The following MFSD8 variants were observed in gnomAD, a reference collection of about 807,000 sequenced individuals.
The protein encoded by MFSD8 is major facilitator superfamily domain containing 8.
MFSD8 carries 55 observed loss-of-function variants against 66.4 expected under a neutral mutation model. The observed-to-expected ratio is 0.83, with a 90% CI of 0.67 to 1.04. The LOEUF (loss-of-function observed/expected upper bound fraction) is 1.04, where lower values mean the gene tolerates loss of function less well. MFSD8 is among the 50% of genes least tolerant of loss of function. MFSD8 has a pLI of 0.00. For missense variants in MFSD8, 550 were observed against 627.6 expected, an observed-to-expected ratio of 0.88 and a Z score of 1.32; for synonymous variants, 202 against 212.8, an observed-to-expected ratio of 0.95 and a Z score of 0.44.
At chr4:127,930,547 A>G (rs1231978097) in intron 9 of MFSD8, 136 bp downstream of exon 9, 2 of 966,260 alleles carry the variant, frequency 2.1e-6, no homozygotes, top group Non-Finnish European at 3.1e-6. Flanking sequence ...AAATATGATA[A>G]TCTCTTAATA....
chr4:127,957,680 AATG>A (rs1743121805), intron 1 of MFSD8, 88 bp from the exon 2 acceptor site: 1 of 882,802 alleles, frequency 1.1e-6, no homozygotes. Flanking sequence ...TAGTTATGAA[AATG>A]ATGTGATAGA....
chr4:127,938,592 A>AAAAT (rs376661613), intron 7 of MFSD8, among the ~76,000 whole-genome samples, 191 bp downstream of exon 7: 3,444 of 130,918 alleles, frequency 0.026, 59 homozygotes, highest in Middle Eastern at 0.056. Flanking sequence ...CAAAAAAAAA[A>AAAAT]AAATAAATAA....
intron 8 of MFSD8, chr4:127,932,742 G>A (rs1345260860): frequency 2.7e-6 from 1 of 363,642 alleles, no homozygotes; most frequent in Non-Finnish European, 5.1e-6. Context: ...AGATGAAAGA[G>A]GGAAAGAGTA....
At chr4:127,922,095 T>C (rs1736423987) in intron 9 of MFSD8, 132 bp from the exon 10 acceptor site, 1 of 960,084 alleles carries the variant, frequency 1.0e-6, no homozygotes, top group Admixed American at 2.3e-5. Context: ...GAATGCTAAA[T>C]ATAATTTTCC....
rs747864651 is a variant in MFSD8 at position 127,944,006 on chromosome 4, T to C, written c.199-14A>G. The C allele has an allele frequency of 2.5e-6, 4 of 1,614,096 alleles. No individual in the cohort carries two copies. ...TGTCGGATCAATCTGCAGAAAAAGGTACAGTGCTTTAAGAATTGTTATCCA... is the reference window on the plus strand; with the variant it reads ...TGTCGGATCAATCTGCAGAAAAAGGCACAGTGCTTTAAGAATTGTTATCCA... On this transcript the variant is annotated splice_polypyrimidine_tract_variant and intron_variant, in intron 3 of 11. Coordinates refer to ENST00000641686, the MANE Select transcript of MFSD8 (RefSeq NM_001371596.2).
At chr4:127,965,426 T>C (rs957732407), upstream of MFSD8, 5 of 552,082 alleles carry the variant, frequency 9.1e-6, no homozygotes, top group South Asian at 4.1e-5. Flanking sequence ...GCCGCCCTGC[T>C]CCGGGTTTGT....
intron 9 of MFSD8, among the ~76,000 whole-genome samples, chr4:127,922,623 G>A (rs1453913664): frequency 2.7e-5 from 4 of 147,448 alleles, no homozygotes; most frequent in Admixed American, 1.3e-4. Flanking sequence ...AGACCCTGTC[G>A]CCAAAAAAAA....
chr4:127,927,550 G>C (rs571310676), intron 9 of MFSD8, among the ~76,000 whole-genome samples: 1 of 152,314 alleles, frequency 6.6e-6, no homozygotes, highest in South Asian at 2.1e-4. Flanking sequence ...GCAAGTTAAA[G>C]AGTATCTGTA....
At chr4:127,921,354 T>C (rs1206242759) in intron 11 of MFSD8, 170 bp downstream of exon 11, 1 of 1,117,324 alleles carries the variant, frequency 8.9e-7, no homozygotes, top group East Asian at 2.6e-5. Context: ...CCACATAACC[T>C]ACCCAAGAAT....
At chr4:127,942,394 T>C (rs1172475386) in intron 4 of MFSD8, among the ~76,000 whole-genome samples, 8 of 152,038 alleles carry the variant, frequency 5.3e-5, no homozygotes, top group Non-Finnish European at 1.2e-4. Flanking sequence ...AGTGAAAAAA[T>C]GGTATCATAA....
chr4:127,940,048 A>AT (rs761614566), intron 5 of MFSD8, 51 bp from the exon 6 acceptor site: 2 of 1,519,980 alleles, frequency 1.3e-6, no homozygotes, highest in Non-Finnish European at 1.8e-6. Context: ...GAAGCATAGG[A>AT]TAAAAAAATG....
At chr4:127,929,446 G>A (rs1326558886) in intron 9 of MFSD8, among the ~76,000 whole-genome samples, 1 of 149,962 alleles carries the variant, frequency 6.7e-6, no homozygotes, top group Non-Finnish European at 1.5e-5. Context: ...AAATTAGCCA[G>A]GCATTATGGC....
chr4:127,946,808 G>C (rs1741105860), intron 3 of MFSD8, among the ~76,000 whole-genome samples: 1 of 151,996 alleles, frequency 6.6e-6, no homozygotes, highest in Non-Finnish European at 1.5e-5. Flanking sequence ...CCAGCTACTT[G>C]GGAGGCTGAG....
rs112721309 is a variant in MFSD8 at position 127,944,000 on chromosome 4, A to G, written c.199-8T>C. 1,311 of 1,614,188 alleles carry G rather than the reference A, an allele frequency of 8.1e-4. 17 individuals are homozygous for G. The African/African-American group carries it at 0.016, about 19-fold the overall frequency. On this transcript the variant is annotated splice_region_variant and splice_polypyrimidine_tract_variant and intron_variant, in intron 3 of 11. Coordinates refer to ENST00000641686, the MANE Select transcript of MFSD8 (RefSeq NM_001371596.2). ...ATCAGCTGTCGGATCAATCTGCAGA[A>G]AAAGGTACAGTGCTTTAAGAATTGT...
At chr4:127,938,874 A>G (rs769718165) in intron 6 of MFSD8, 36 bp from the exon 7 acceptor site, 1 of 1,504,176 alleles carries the variant, frequency 6.6e-7, no homozygotes, top group Non-Finnish European at 9.2e-7. Flanking sequence ...TACCTATAAA[A>G]TGCTTAATAG....
At chr4:127,963,287 A>G (rs1744104953) in intron 1 of MFSD8, among the ~76,000 whole-genome samples, 1 of 152,246 alleles carries the variant, frequency 6.6e-6, no homozygotes, top group South Asian at 2.1e-4. Flanking sequence ...TCAAGTATCT[A>G]TTAAAACCAT....
intron 9 of MFSD8, among the ~76,000 whole-genome samples, chr4:127,926,873 AAATTTTG>A (rs1737290692): frequency 6.6e-6 from 1 of 152,186 alleles, no homozygotes; most frequent in African/African-American, 2.4e-5. Context: ...ACCACACTTC[AAATTTTG>A]AATTTTGATA....
intron 2 of MFSD8, among the ~76,000 whole-genome samples, chr4:127,952,058 G>T (rs1279542203): frequency 2.6e-5 from 4 of 151,884 alleles, no homozygotes; most frequent in Admixed American, 6.6e-5. Flanking sequence ...TTCATCCATG[G>T]TGTACATGTA....
chr4:127,930,563 T>A (rs1360043283), intron 9 of MFSD8, 120 bp downstream of exon 9: 10 of 1,133,854 alleles, frequency 8.8e-6, no homozygotes, highest in Non-Finnish European at 1.3e-5. Flanking sequence ...TAATAAATTG[T>A]AAATTTGTGT....
Sources: gnomAD v4.1 joint callset for allele counts (sites outside exome capture counted in the v4.1 genomes callset) on GRCh38, gnomAD v4.1.1 for gene constraint, MANE v1.5 for transcripts, NCBI Gene and HGNC (gene_info 2026-07-23, HGNC 2026-07-21) for gene names.